CDH23: variants seen among roughly 807,000 people sequenced by gnomAD.
CDH23 encodes cadherin-23.
A neutral mutation model predicts 317.1 loss-of-function variants in CDH23; 189 were observed. The ratio of observed to expected loss-of-function variants is 0.60; its 90% CI spans 0.53 to 0.67. The LOEUF (loss-of-function observed/expected upper bound fraction) is 0.67. Ranked by LOEUF, CDH23 falls within the 30% of genes least tolerant of loss-of-function variation. The pLI is 0.00. For missense variants in CDH23, 4,401 were observed against 4,592.4 expected, an observed-to-expected ratio of 0.96 and a Z score of 1.20; for synonymous variants, 1,839 against 1,876.8, an observed-to-expected ratio of 0.98 and a Z score of 0.52.
intron 28 of CDH23, among the ~76,000 whole-genome samples, chr10:71,720,390 C>T (rs921045457): frequency 6.6e-6 from 1 of 151,354 alleles, no homozygotes; most frequent in Admixed American, 6.6e-5. Context: ...GGGTGGGCCA[C>T]GGGAGACCTC....
chr10:71,674,522 G>A (rs1227048), intron 14 of CDH23, among the ~76,000 whole-genome samples: 94,502 of 152,028 alleles, frequency 0.62, 30,016 homozygotes, highest in East Asian at 0.72. Flanking sequence ...TGGGAAGAGA[G>A]CAGAGGTCAC....
chr10:71,644,321 G>A (rs1243041615), intron 12 of CDH23, among the ~76,000 whole-genome samples: 1 of 152,230 alleles, frequency 6.6e-6, no homozygotes, highest in Non-Finnish European at 1.5e-5. Context: ...CAGGGCACAG[G>A]CCTGTCTCCA....
chr10:71,675,903 C>CT (rs66656163), intron 15 of CDH23, among the ~76,000 whole-genome samples: 20,337 of 120,738 alleles, frequency 0.17, 3,588 homozygotes, highest in African/African-American at 0.43. Context: ...AGCCCTCTAA[C>CT]TTTTTTTTTT....
At chr10:71,617,461 G>A (rs1172080752) in intron 11 of CDH23, 68 bp downstream of exon 11, 1 of 1,568,212 alleles carries the variant, frequency 6.4e-7, no homozygotes, top group Non-Finnish European at 8.6e-7. Context: ...TGCCTGGGCT[G>A]TTCAGGTCCT....
chr10:71,680,746 C>CAAAAA (rs1234418702), intron 17 of CDH23, among the ~76,000 whole-genome samples: 1 of 15,944 alleles, frequency 6.3e-5, no homozygotes, highest in African/African-American at 1.7e-4. Flanking sequence ...CACTCCGTCT[C>CAAAAA]AAAAAAAAAA....
intron 3 of CDH23, among the ~76,000 whole-genome samples, chr10:71,509,475 G>A (rs1853831933): frequency 6.6e-6 from 1 of 152,200 alleles, no homozygotes; most frequent in African/African-American, 2.4e-5. Context: ...ATTTGCCTCT[G>A]TTTTCCTTTG....
intron 8 of CDH23, among the ~76,000 whole-genome samples, 196 bp downstream of exon 8, chr10:71,571,114 C>G (rs564445562): frequency 6.6e-6 from 1 of 152,360 alleles, no homozygotes; most frequent in South Asian, 2.1e-4. Flanking sequence ...TCCTCACCCT[C>G]TCACTCTACC....
intron 3 of CDH23, among the ~76,000 whole-genome samples, chr10:71,480,768 G>A (rs1852026459): frequency 6.6e-6 from 1 of 152,020 alleles, no homozygotes; most frequent in African/African-American, 2.4e-5. Context: ...ACTGGATGGG[G>A]GCGGCTGTGT....
At chr10:71,727,168 C>G (rs1866852555) in intron 30 of CDH23, among the ~76,000 whole-genome samples, 1 of 152,242 alleles carries the variant, frequency 6.6e-6, no homozygotes, top group African/African-American at 2.4e-5. Flanking sequence ...TGTTAATACC[C>G]CCATCTTACA....
chr10:71,702,148 C>G lies in CDH23; in HGVS notation c.2524C>G (p.Arg842Gly), dbSNP rs368496658. The change falls in exon 23 of 70, where the codon CGG becomes GGG. Residue 842 changes from arginine to glycine, a missense_variant. By Grantham distance (125) the Arg-to-Gly change is moderately radical. Transcript: ENST00000224721. ...KIRTTHAMLD[R>G]ENPDPHEAEL... ...CCGCACCACCCACGCCATGCTGGACCGGGAGAACCCCGACCCCCATGAGGC... is the reference window on the plus strand; with the variant it reads ...CCGCACCACCCACGCCATGCTGGACGGGGAGAACCCCGACCCCCATGAGGC... 1 of 1,613,956 alleles carries G rather than the reference C, an allele frequency of 6.2e-7. No individual in the cohort carries two copies. Among genetic ancestry groups the G allele is most frequent in the Non-Finnish European group, 8.5e-7 (1 of 1,179,890 alleles).
chr10:71,808,746 CCT>C (rs1428523699), intron 60 of CDH23, among the ~76,000 whole-genome samples: 1 of 152,140 alleles, frequency 6.6e-6, no homozygotes, highest in Non-Finnish European at 1.5e-5. Flanking sequence ...CCTCCTAATC[CCT>C]CTTTCTGTTC....
Position 71,675,027 on chromosome 10 carries a change from A to G in CDH23, c.1450-85A>G, listed in dbSNP as rs1307302038. 10 of 1,229,256 alleles carry G rather than the reference A, an allele frequency of 8.1e-6. No homozygotes were observed. The Admixed American group carries it at 1.8e-4, about 22-fold the overall frequency. The allele number at this position is 1,229,256 out of a possible 1,614,324, so 76.1% of individuals were successfully genotyped here. A position where few individuals can be genotyped will look rare whatever the true frequency, so the allele number is the denominator to read the frequency against. ...GAAAATTCACCCTGGGCCAAAGGAGACGTGCGAGAGGAACATGGGTTTCCT... is the reference window on the plus strand; with the variant it reads ...GAAAATTCACCCTGGGCCAAAGGAGGCGTGCGAGAGGAACATGGGTTTCCT... On this transcript the variant is annotated intron_variant, in intron 14 of 69. Transcript: ENST00000224721.
At chr10:71,725,667 G>A in intron 30 of CDH23, 147 bp downstream of exon 30, 7 of 965,782 alleles carry the variant, frequency 7.2e-6, no homozygotes, top group Non-Finnish European at 1.0e-5. Flanking sequence ...AGGGTTCGGT[G>A]ACAGGTGCCC....
intron 38 of CDH23, among the ~76,000 whole-genome samples, chr10:71,774,049 G>GCACACACA (rs754333116): frequency 6.9e-4 from 101 of 145,580 alleles, no homozygotes; most frequent in African/African-American, 9.4e-4. Flanking sequence ...GCATGCGCGC[G>GCACACACA]CGCACACACA....
At chr10:71,550,572 AAAAAAG>A (rs1192431506) in intron 6 of CDH23, among the ~76,000 whole-genome samples, 45 of 113,378 alleles carry the variant, frequency 4.0e-4, no homozygotes, top group African/African-American at 1.2e-3. Flanking sequence ...AAAAAAAAAA[AAAAAAG>A]AAAAAAGAAA....
At chr10:71,683,647 G>A (rs1028903375) in intron 18 of CDH23, among the ~76,000 whole-genome samples, 1 of 152,188 alleles carries the variant, frequency 6.6e-6, no homozygotes, top group South Asian at 2.1e-4. Flanking sequence ...CAGAATTTAG[G>A]GGGGGCCAGG....
intron 11 of CDH23, chr10:71,622,918 GC>G (rs1332001548): frequency 2.1e-5 from 21 of 985,294 alleles, no homozygotes; most frequent in Non-Finnish European, 2.4e-5. Flanking sequence ...TTTCAGAAAG[GC>G]CTTCGGGCCT....
chr10:71,734,415 C>T lies in CDH23; in HGVS notation c.4206+74C>T, dbSNP rs556438133. 165 of 1,505,136 alleles carry T rather than the reference C, an allele frequency of 1.1e-4. No homozygotes were observed. In the African/African-American group the frequency reaches 1.5e-3, roughly 14 times the overall value. The allele number at this position is 1,505,136 out of a possible 1,614,324, so 93.2% of individuals were successfully genotyped here. A position where few individuals can be genotyped will look rare whatever the true frequency, so the allele number is the denominator to read the frequency against. Reference sequence around the variant, plus strand: ...CATGACACTTCCTAACCCATGTCCTCGCCAGCCACCCAATGTATGGGCCAG... The same window carrying T: ...CATGACACTTCCTAACCCATGTCCTTGCCAGCCACCCAATGTATGGGCCAG... On this transcript the variant is annotated intron_variant, in intron 33 of 69. Coordinates refer to ENST00000224721, the MANE Select transcript of CDH23 (RefSeq NM_022124.6).
At chr10:71,530,080 ACTCAGT>A (rs1285884358) in intron 6 of CDH23, among the ~76,000 whole-genome samples, 1 of 119,062 alleles carries the variant, frequency 8.4e-6, no homozygotes, top group Non-Finnish European at 1.8e-5. Flanking sequence ...CTCTCCCCAG[ACTCAGT>A]CTCTGCCTGG....
Sources: allele counts gnomAD v4.1 joint callset (sites outside exome capture counted in the v4.1 genomes callset), GRCh38; gene constraint gnomAD v4.1.1; transcripts MANE v1.5; gene names NCBI Gene and HGNC (gene_info 2026-07-23, HGNC 2026-07-21).